PLD5: variants seen among roughly 807,000 people sequenced by gnomAD.
PLD5 encodes inactive phospholipase D5.
Under a neutral mutation model 61.1 loss-of-function variants are expected in PLD5, and 36 were observed. The observed-to-expected ratio is 0.59, with a 90% CI of 0.45 to 0.78. The LOEUF is 0.78. PLD5 is among the 30% of genes least tolerant of loss of function. The probability of loss-of-function intolerance (pLI) is 0.00; values close to 1 mark genes in which losing one functional copy is unlikely to be tolerated. For synonymous variants in PLD5, 243 were observed against 242.8 expected (o/e 1.00, Z -0.01); for missense variants, 515 against 644.4 (o/e 0.80, Z 2.17).
At chr1:242,178,628 G>C (rs1667327988) in intron 5 of PLD5, among the ~76,000 whole-genome samples, 1 of 152,124 alleles carries the variant, frequency 6.6e-6, no homozygotes, top group Non-Finnish European at 1.5e-5. Context: ...TATGCTGCCA[G>C]CTACAAATGC....
At chr1:242,270,550 C>A (rs1464184262) in intron 3 of PLD5, among the ~76,000 whole-genome samples, 3 of 152,174 alleles carry the variant, frequency 2.0e-5, no homozygotes, top group Non-Finnish European at 4.4e-5. Context: ...GAAAGTTACT[C>A]CCCAGTCTCT....
chr1:242,335,939 A>T (rs1659476246), intron 2 of PLD5, among the ~76,000 whole-genome samples: 1 of 152,186 alleles, frequency 6.6e-6, no homozygotes, highest in Admixed American at 6.5e-5. Context: ...TTACTAATAC[A>T]ATAATTATTT....
chr1:242,395,280 G>A (rs976532588), intron 1 of PLD5, among the ~76,000 whole-genome samples: 2 of 151,818 alleles, frequency 1.3e-5, no homozygotes, highest in African/African-American at 2.4e-5. Flanking sequence ...TAGGTACTAC[G>A]CCTTCCTTAT....
chr1:242,355,878 T>C (rs1028399417), intron 1 of PLD5, among the ~76,000 whole-genome samples: 4 of 152,106 alleles, frequency 2.6e-5, no homozygotes, highest in South Asian at 4.1e-4. Context: ...TTTAATTTCA[T>C]TGAGTTTTCT....
At chr1:242,113,861 T>A in intron 7 of PLD5, 29 bp downstream of exon 7, 1 of 1,607,298 alleles carries the variant, frequency 6.2e-7, no homozygotes, top group Non-Finnish European at 8.5e-7. Context: ...AGGGACTGGG[T>A]TCTAACCAGA....
rs1187215028 is a variant in PLD5, at chr1:242,340,059, T to C, written c.326+8047A>G. On this transcript the variant is annotated intron_variant, in intron 2 of 9. Coordinates refer to ENST00000536534, the MANE Select transcript of PLD5 (RefSeq NM_001372062.1). ...AGGGAAAATACTTCAGAATATTATA[T>C]AGGCGATAGGCTCACTATCAGCTCA... 3.3e-5 allele frequency among the ~76,000 whole-genome samples: 5 copies of C among 152,168 alleles called. No individual in the cohort carries two copies. The East Asian group carries it at 9.6e-4, about 29-fold the overall frequency.
chr1:242,504,400 A>G (rs1435240615), intron 1 of PLD5, among the ~76,000 whole-genome samples: 1 of 152,250 alleles, frequency 6.6e-6, no homozygotes, highest in Non-Finnish European at 1.5e-5. Context: ...TACAACATGC[A>G]TGAGATTTCA....
intron 4 of PLD5, among the ~76,000 whole-genome samples, chr1:242,222,975 C>T (rs1670696067): frequency 1.3e-5 from 2 of 152,160 alleles, no homozygotes; most frequent in South Asian, 4.1e-4. Context: ...CAAATTCAGG[C>T]ATACTAAAAT....
intron 9 of PLD5, among the ~76,000 whole-genome samples, chr1:242,091,660 A>G (rs1659833912): frequency 6.6e-6 from 1 of 152,144 alleles, no homozygotes; most frequent in East Asian, 1.9e-4. Context: ...AGAATAATAA[A>G]TTTTGTCATG....
intron 1 of PLD5, among the ~76,000 whole-genome samples, chr1:242,358,609 C>T (rs571386103): frequency 9.9e-5 from 15 of 150,816 alleles, no homozygotes; most frequent in Non-Finnish European, 2.1e-4. Context: ...ACCAAAGTCA[C>T]TTCTGATCTG....
In PLD5 at chr1:242,093,174, C is replaced by T. The variant is rs906836243; in HGVS notation, c.1355-3064G>A. ...CCGTGGCCAAGGTGGCGTTCCTGAT[C>T]GTGTGCTCTTAGACACGTGACTATG... On this transcript the variant is annotated intron_variant, in intron 9 of 9. Transcript: ENST00000536534. Among the ~76,000 whole-genome samples the T allele has an allele frequency of 2.0e-5, 3 of 152,272 alleles. 1 individual carries two copies. In the South Asian group the frequency reaches 6.2e-4, roughly 32 times the overall value.
In PLD5 at chr1:242,204,800, A is replaced by G. The variant is rs114023273; in HGVS notation, c.735+15188T>C. Reference sequence around the variant, plus strand: ...ACTTGCCCTGGGTCATATAACGATTAAGGAGTAGGGAAAAAATCAATTTCG... The same window carrying G: ...ACTTGCCCTGGGTCATATAACGATTGAGGAGTAGGGAAAAAATCAATTTCG... On this transcript the variant is annotated intron_variant, in intron 5 of 9. Coordinates refer to ENST00000536534, the MANE Select transcript of PLD5 (RefSeq NM_001372062.1). 6.3e-3 allele frequency among the ~76,000 whole-genome samples: 963 copies of G among 152,280 alleles called. 5 individuals carry two copies. The highest frequency in any genetic ancestry group is 0.012 in the Non-Finnish European group (823 of 68,006).
intron 2 of PLD5, among the ~76,000 whole-genome samples, chr1:242,302,348 G>A (rs1024963630): frequency 1.2e-4 from 19 of 152,136 alleles, no homozygotes; most frequent in Middle Eastern, 3.2e-3. Context: ...CCTTTGTCTC[G>A]TCACCTCTCC....
At chr1:242,397,178 A>C (rs12141902) in intron 1 of PLD5, among the ~76,000 whole-genome samples, 3,178 of 152,130 alleles carry the variant, frequency 0.021, 129 homozygotes, top group East Asian at 0.13. Context: ...TTATCTCTAC[A>C]TAGACCTCGT....
chr1:242,510,719 C>G (rs768829087), intron 1 of PLD5, among the ~76,000 whole-genome samples: 1 of 152,018 alleles, frequency 6.6e-6, no homozygotes, highest in Admixed American at 6.5e-5. Flanking sequence ...GTGGCAGGCG[C>G]CTGTAGTCCC....
intron 1 of PLD5, among the ~76,000 whole-genome samples, chr1:242,468,690 T>TACACACACACGC (rs1553380996): frequency 6.6e-6 from 1 of 151,306 alleles, no homozygotes; most frequent in Non-Finnish European, 1.5e-5. Context: ...CACACACACA[T>TACACACACACGC]ACACACACAC....
At chr1:242,466,084 G>A (rs1046356648) in intron 1 of PLD5, among the ~76,000 whole-genome samples, 8 of 152,144 alleles carry the variant, frequency 5.3e-5, no homozygotes, top group African/African-American at 1.9e-4. Flanking sequence ...TTCATTTTAT[G>A]CTGAATACTG....
At chr1:242,355,039 G>T (rs1444237047) in intron 1 of PLD5, among the ~76,000 whole-genome samples, 1 of 152,064 alleles carries the variant, frequency 6.6e-6, no homozygotes, top group African/African-American at 2.4e-5. Flanking sequence ...TTTTGTTGAG[G>T]ATATTTGCAT....
intron 5 of PLD5, among the ~76,000 whole-genome samples, chr1:242,213,725 A>T (rs1042844873): frequency 8.6e-5 from 13 of 151,060 alleles, no homozygotes; most frequent in African/African-American, 2.7e-4. Flanking sequence ...GAGAAAATAG[A>T]ACAAGCCACC....
Sources: gnomAD v4.1 joint callset for allele counts (sites outside exome capture counted in the v4.1 genomes callset) on GRCh38, gnomAD v4.1.1 for gene constraint, MANE v1.5 for transcripts, NCBI Gene and HGNC (gene_info 2026-07-23, HGNC 2026-07-21) for gene names.